The following PRELP variants were observed in gnomAD, a reference collection of about 807,000 sequenced individuals.
The protein encoded by PRELP is proline and arginine rich end leucine rich repeat protein, also known as prolargin.
A neutral mutation model predicts 22.8 loss-of-function variants in PRELP; 16 were observed. The ratio of observed to expected loss-of-function variants is 0.70; its 90% CI spans 0.47 to 1.06. The LOEUF is 1.06. Among genes scored for constraint, PRELP ranks in the 50% least tolerant of loss-of-function variants. The pLI is 0.00. For synonymous variants in PRELP, 233 were observed against 211.4 expected (o/e 1.10, Z -0.89); for missense variants, 434 against 485.2 (o/e 0.89, Z 0.99).
intron 2 of PRELP, among the ~76,000 whole-genome samples, chr1:203,485,990 C>T (rs1202467443): frequency 6.6e-6 from 1 of 152,146 alleles, no homozygotes; most frequent in Non-Finnish European, 1.5e-5. Flanking sequence ...ATCTTTTGCC[C>T]ATCCTCATGT....
chr1:203,479,294 A>G (rs1231305477), intron 1 of PRELP, among the ~76,000 whole-genome samples: 1 of 152,164 alleles, frequency 6.6e-6, no homozygotes, highest in African/African-American at 2.4e-5. Context: ...TAATGACTTG[A>G]CCAACCCATC....
At position 203,487,112 on chromosome 1, in the gene PRELP, C is replaced by G. The variant is rs1236966635; in HGVS notation, c.*231C>G. 4.1e-6 allele frequency: 2 copies of G among 486,450 alleles called. No individual in the cohort carries two copies. The highest frequency in any genetic ancestry group is 7.3e-6 in the Non-Finnish European group (2 of 275,616). The allele number at this position is 486,450 out of a possible 1,614,324, so 30.1% of individuals were successfully genotyped here. ...AAGACACCCAGTGCACACCCAAACT[C>G]CTGGCCTTCTGTGGTTTCCCTTTGC... On this transcript the variant is annotated 3_prime_UTR_variant, in exon 3 of 3. Coordinates refer to ENST00000343110, the MANE Select transcript of PRELP (RefSeq NM_002725.4).
chr1:203,483,885 G>A lies in PRELP; in HGVS notation c.701G>A (p.Arg234Lys). The A allele has an allele frequency of 6.2e-7, 1 of 1,614,240 alleles. No individual in the cohort carries two copies. The highest frequency in any genetic ancestry group is 1.1e-5 in the South Asian group (1 of 91,092). ...MQLNLAHNIL[R>K]KMPPRVPTAI... Reference sequence around the variant, plus strand: ...CTCAACCTGGCCCACAACATCCTGAGAAAGATGCCGCCCAGGGTCCCCACC... The same window carrying A: ...CTCAACCTGGCCCACAACATCCTGAAAAAGATGCCGCCCAGGGTCCCCACC... Residue 234 changes from arginine to lysine, a missense_variant, in exon 2 of 3, where the codon AGA becomes AAA. Transcript: ENST00000343110. The surrounding 1 kb of genome is among the most constrained non-coding windows in gnomAD (Gnocchi z 4.4).
chr1:203,483,641 G>T lies in PRELP; in HGVS notation c.457G>T (p.Val153Leu), dbSNP rs1170637711. ...QRVLEKLPGLVFLYMEKNQLE... is the reference protein window; with the variant it reads ...QRVLEKLPGLLFLYMEKNQLE... ...GGTGCTGGAGAAACTGCCCGGCCTG[G>T]TGTTCCTCTACATGGAGAAGAACCA... Residue 153 changes from valine to leucine, a missense_variant, in exon 2 of 3, where the codon GTG becomes TTG. Coordinates refer to ENST00000343110, the MANE Select transcript of PRELP (RefSeq NM_002725.4). The surrounding 1 kb of genome is among the most constrained non-coding windows in gnomAD (Gnocchi z 4.4). 1 of 1,614,146 alleles carries T rather than the reference G, an allele frequency of 6.2e-7. No individual in the cohort carries two copies. The highest frequency in any genetic ancestry group is 1.7e-5 in the Admixed American group (1 of 60,030).
intron 1 of PRELP, among the ~76,000 whole-genome samples, chr1:203,476,940 G>GA (rs36000732): frequency 1.2e-3 from 164 of 141,090 alleles, no homozygotes; most frequent in African/African-American, 2.8e-3. Flanking sequence ...TGGCAGAGGA[G>GA]AAAAAAAAAA....
At position 203,483,218 on chromosome 1, in the gene PRELP, C is replaced by T. The variant is rs200903022; in HGVS notation, c.34C>T (p.Leu12Phe). Residue 12 changes from leucine to phenylalanine, a missense_variant, in exon 2 of 3, where the codon CTC (leucine) becomes TTC (phenylalanine). Leu to Phe is a conservative substitution (Grantham distance 22, BLOSUM62 0). Transcript: ENST00000343110. This position sits in a 1 kb window ranked among gnomAD's most constrained non-coding sequence, Gnocchi z 4.4. Reference sequence around the variant, plus strand: ...ACCCCTCTGCTGGCTCCTCCCACTTCTCATCTTGGCCTCAGTGGCCCAAGG... The same window carrying T: ...ACCCCTCTGCTGGCTCCTCCCACTTTTCATCTTGGCCTCAGTGGCCCAAGG... ...RSPLCWLLPL[L>F]ILASVAQGQP... 65 of 1,567,516 alleles carry T rather than the reference C, an allele frequency of 4.1e-5. No individual in the cohort carries two copies. In the East Asian group the frequency reaches 1.2e-3, roughly 30 times the overall value.
At chr1:203,478,880 T>A (rs1158491699) in intron 1 of PRELP, among the ~76,000 whole-genome samples, 2 of 152,152 alleles carry the variant, frequency 1.3e-5, no homozygotes, top group African/African-American at 4.8e-5. Flanking sequence ...GGCTCACTCC[T>A]CTACTAACTC....
chr1:203,477,199 G>C (rs1660925787), intron 1 of PRELP, among the ~76,000 whole-genome samples: 1 of 152,082 alleles, frequency 6.6e-6, no homozygotes. Flanking sequence ...TCGAGACCCA[G>C]GAATCTTGTT....
rs1267899810 is a variant in PRELP at position 203,490,087 on chromosome 1, GA to G, written c.*3209del. On this transcript the variant is annotated 3_prime_UTR_variant, in exon 3 of 3. Transcript: ENST00000343110. ...AGTGGGGAAAAGATTATACTCTTAA[GA>G]AATTCCTACGAAAGCTATCCAAAAG... 5 of 144,952 alleles carry G rather than the reference GA, an allele frequency of 3.4e-5. No homozygotes were observed. The highest frequency in any genetic ancestry group is 3.4e-4 in the Admixed American group (5 of 14,506). The allele number at this position is 144,952 out of a possible 1,614,324, so 9.0% of individuals were successfully genotyped here. A position where few individuals can be genotyped will look rare whatever the true frequency, so the allele number is the denominator to read the frequency against.
At chr1:203,477,239 C>T (rs1660926231) in intron 1 of PRELP, among the ~76,000 whole-genome samples, 2 of 152,116 alleles carry the variant, frequency 1.3e-5, no homozygotes. Context: ...TGATGGTCCA[C>T]CAGGGCTCGA....
chr1:203,483,285 G>T lies in PRELP; in HGVS notation c.101G>T (p.Arg34Leu), dbSNP rs140637051. The stretch of plus-strand genomic sequence containing the variant: ...CCAAGACCCGGGACTGGGCCCGGGC[G>T]CAGACCCAGGCCCAGGCCCAGGCCC... The part of the protein sequence containing the change: ...RRPRPGTGPG[R>L]RPRPRPRPTP... Residue 34 changes from arginine to leucine, a missense_variant, in exon 2 of 3, where the codon CGC (arginine) becomes CTC (leucine). Arg to Leu is a moderately radical substitution (Grantham distance 102). Coordinates refer to ENST00000343110, the MANE Select transcript of PRELP (RefSeq NM_002725.4). This position sits in a 1 kb window ranked among gnomAD's most constrained non-coding sequence, Gnocchi z 4.4. 2.0e-5 allele frequency: 32 copies of T among 1,613,314 alleles called. No individual in the cohort carries two copies. The highest frequency in any genetic ancestry group is 2.5e-5 in the Non-Finnish European group (29 of 1,179,590).
At position 203,489,440 on chromosome 1, in the gene PRELP, G is replaced by A. The variant is rs531765170; in HGVS notation, c.*2559G>A. 2.6e-5 allele frequency: 4 copies of A among 152,350 alleles called. No homozygotes were observed. The highest frequency in any genetic ancestry group is 4.8e-5 in the African/African-American group (2 of 41,556). 9.4% of individuals were successfully genotyped at this position (152,350 alleles called of 1,614,324 possible). A position where few individuals can be genotyped will look rare whatever the true frequency, so the allele number is the denominator to read the frequency against. On this transcript the variant is annotated 3_prime_UTR_variant, in exon 3 of 3. Coordinates refer to ENST00000343110, the MANE Select transcript of PRELP (RefSeq NM_002725.4). ...GTTTAAAAAAAGCCCCCTTCTCCAT[G>A]CACAAGTTCATTCCCTCCATGCTGT...
At chr1:203,482,820 A>G (rs974446245) in intron 1 of PRELP, among the ~76,000 whole-genome samples, 2 of 149,734 alleles carry the variant, frequency 1.3e-5, no homozygotes, top group East Asian at 2.0e-4. Flanking sequence ...GATGGTCTCG[A>G]TCTCCTGACC....
At position 203,483,484 on chromosome 1, in the gene PRELP, C is replaced by T; in HGVS notation, c.300C>T (p.Ile100=). The T allele has an allele frequency of 6.2e-7, 1 of 1,614,216 alleles. No homozygotes were observed. The highest frequency in any genetic ancestry group is 8.5e-7 in the Non-Finnish European group (1 of 1,180,032). ...DSRNLRKVPV[I]PPRIHYLYLQ... is the part of the protein sequence containing the mutation. ...GCAACCTGCGAAAGGTCCCTGTCAT[C>T]CCGCCCCGCATCCATTACCTCTATC... is the stretch of plus-strand genomic sequence containing the variant. The change falls in exon 2 of 3, where the codon ATC becomes ATT. Residue 100 remains isoleucine (I), a synonymous_variant. Transcript: ENST00000343110. The surrounding 1 kb of genome is among the most constrained non-coding windows in gnomAD (Gnocchi z 4.4).
chr1:203,486,692 T>C lies in PRELP; in HGVS notation c.974-14T>C, dbSNP rs747746695. 2.5e-6 allele frequency: 4 copies of C among 1,603,988 alleles called. No individual in the cohort carries two copies. The East Asian group carries it at 6.7e-5, about 27-fold the overall frequency. ...CTCCACTCCCTTCTGATTTCTCGTC[T>C]TCTTTTTCCGTAGAAATCAACGGAA... On this transcript the variant is annotated splice_polypyrimidine_tract_variant and intron_variant, in intron 2 of 2. Transcript: ENST00000343110.
At position 203,483,850 on chromosome 1, in the gene PRELP, C is replaced by T. The variant is rs780063351; in HGVS notation, c.666C>T (p.Asn222=). 1.1e-5 allele frequency: 18 copies of T among 1,614,042 alleles called. No homozygotes were observed. The highest frequency in any genetic ancestry group is 1.3e-5 in the African/African-American group (1 of 74,932). ...FKPDTFHGLK[N]LMQLNLAHNI... is the part of the protein sequence containing the mutation. ...CCGACACCTTCCATGGCCTCAAGAA[C>T]CTCATGCAGCTCAACCTGGCCCACA... is the stretch of plus-strand genomic sequence containing the variant. The change falls in exon 2 of 3, where the codon AAC becomes AAT. Residue 222 remains asparagine (N), a synonymous_variant. Coordinates refer to ENST00000343110, the MANE Select transcript of PRELP (RefSeq NM_002725.4). The surrounding 1 kb of genome is among the most constrained non-coding windows in gnomAD (Gnocchi z 4.4).
At position 203,486,930 on chromosome 1, in the gene PRELP, C is replaced by G; in HGVS notation, c.*49C>G. 6.5e-7 allele frequency: 1 copy of G among 1,529,864 alleles called. No individual in the cohort carries two copies. The highest frequency in any genetic ancestry group is 8.9e-7 in the Non-Finnish European group (1 of 1,125,328). The allele number at this position is 1,529,864 out of a possible 1,614,324, so 94.8% of individuals were successfully genotyped here. A position where few individuals can be genotyped will look rare whatever the true frequency, so the allele number is the denominator to read the frequency against. On this transcript the variant is annotated 3_prime_UTR_variant, in exon 3 of 3. Transcript: ENST00000343110. ...CTCTGACCGCACTTGAAGGCTGGGG[C>G]CCAGGCACCTGTGCCGGCCATTCGT... is the stretch of plus-strand genomic sequence containing the variant.
At chr1:203,478,063 T>G (rs1370151064) in intron 1 of PRELP, among the ~76,000 whole-genome samples, 1 of 152,160 alleles carries the variant, frequency 6.6e-6, no homozygotes, top group East Asian at 1.9e-4. Context: ...GGAGACCCCA[T>G]TACTTTGAAA....
In PRELP at chr1:203,478,392, G is replaced by T. The variant is rs913426215; in HGVS notation, c.-17+2454G>T. Among the ~76,000 whole-genome samples, 9 of 152,272 alleles carry T rather than the reference G, an allele frequency of 5.9e-5. No homozygotes were observed. The East Asian group carries it at 1.7e-3, about 29-fold the overall frequency. ...GTCTCACCCTGGTTTCTTCCCCACC[G>T]CTCAGAATGGAAAACTTTCTCTTCT... On this transcript the variant is annotated intron_variant, in intron 1 of 2. Transcript: ENST00000343110.
Sources: allele counts gnomAD v4.1 joint callset (sites outside exome capture counted in the v4.1 genomes callset), GRCh38; gene constraint gnomAD v4.1.1; non-coding constraint Gnocchi (gnomAD v3.1); transcripts MANE v1.5; gene names NCBI Gene and HGNC (gene_info 2026-07-23, HGNC 2026-07-21).